ARHGAP42: variants seen among roughly 807,000 people sequenced by gnomAD.
ARHGAP42 encodes rho GTPase-activating protein 42.
A neutral mutation model predicts 125.0 loss-of-function variants in ARHGAP42; 63 were observed. The ratio of observed to expected loss-of-function variants is 0.50; its 90% CI spans 0.41 to 0.62. The LOEUF (loss-of-function observed/expected upper bound fraction) is 0.62, where lower values mean the gene tolerates loss of function less well. ARHGAP42 is among the 20% of genes least tolerant of loss of function. ARHGAP42 has a pLI of 0.00. For missense variants in ARHGAP42, 766 were observed against 1,024.2 expected, an observed-to-expected ratio of 0.75 and a Z score of 3.44; for synonymous variants, 339 against 351.0, an observed-to-expected ratio of 0.97 and a Z score of 0.38.
intron 6 of ARHGAP42, among the ~76,000 whole-genome samples, chr11:100,925,495 T>C (rs1287057488): frequency 6.6e-6 from 1 of 152,046 alleles, no homozygotes; most frequent in Non-Finnish European, 1.5e-5. Context: ...CCCAGCACTT[T>C]GGGAGGCTGA....
At chr11:100,894,810 A>G (rs1207778179) in intron 4 of ARHGAP42, among the ~76,000 whole-genome samples, 1 of 152,168 alleles carries the variant, frequency 6.6e-6, no homozygotes, top group Non-Finnish European at 1.5e-5. Flanking sequence ...CAGTGCTAAG[A>G]TAGCTGTTGA....
At chr11:100,900,614 T>C (rs75592618) in intron 4 of ARHGAP42, among the ~76,000 whole-genome samples, 12,446 of 152,242 alleles carry the variant, frequency 0.082, 723 homozygotes, top group East Asian at 0.29. Context: ...TTTCTTTTCA[T>C]TCTTTTTTCC....
At position 100,804,846 on chromosome 11, in the gene ARHGAP42, C is replaced by T. The variant is rs1190332187; in HGVS notation, c.312+9680C>T. Among the ~76,000 whole-genome samples, 9 of 152,218 alleles carry T rather than the reference C, an allele frequency of 5.9e-5. No individual in the cohort carries two copies. The South Asian group carries it at 1.5e-3, about 25-fold the overall frequency. ...AAGAAAGAAAAAAGTGTGTCGGTAA[C>T]GTCATTTGATTTTGAGCTTTCGTGT... On this transcript the variant is annotated intron_variant, in intron 3 of 23. Transcript: ENST00000298815.
At chr11:100,778,921 C>A (rs1863199265) in intron 2 of ARHGAP42, among the ~76,000 whole-genome samples, 1 of 151,950 alleles carries the variant, frequency 6.6e-6, no homozygotes, top group Non-Finnish European at 1.5e-5. Flanking sequence ...AAAAAATAGC[C>A]CAGTCTTTTG....
chr11:100,892,980 C>G (rs958340680), intron 4 of ARHGAP42, among the ~76,000 whole-genome samples: 1 of 152,148 alleles, frequency 6.6e-6, no homozygotes, highest in South Asian at 2.1e-4. Context: ...TGACACACTT[C>G]GATTTTATAA....
chr11:100,939,594 G>T (rs1867823092), intron 8 of ARHGAP42, among the ~76,000 whole-genome samples: 1 of 152,082 alleles, frequency 6.6e-6, no homozygotes, highest in Non-Finnish European at 1.5e-5. Flanking sequence ...GGTATTCGAT[G>T]AATGTTAATT....
intron 7 of ARHGAP42, among the ~76,000 whole-genome samples, chr11:100,935,574 T>C (rs1867713167): frequency 6.6e-6 from 1 of 152,132 alleles, no homozygotes; most frequent in Admixed American, 6.6e-5. Flanking sequence ...ATTCAAATTT[T>C]ATGTAGTGCA....
intron 1 of ARHGAP42, among the ~76,000 whole-genome samples, chr11:100,689,468 G>T (rs1186163268): frequency 6.6e-6 from 1 of 152,132 alleles, no homozygotes; most frequent in African/African-American, 2.4e-5. Context: ...GTTTCAGAAG[G>T]TCAAAATACT....
intron 6 of ARHGAP42, among the ~76,000 whole-genome samples, chr11:100,923,781 C>T (rs1426432979): frequency 2.0e-5 from 3 of 152,080 alleles, no homozygotes; most frequent in South Asian, 2.1e-4. Context: ...AATATTTTCC[C>T]AGCTGCTGTG....
intron 16 of ARHGAP42, among the ~76,000 whole-genome samples, chr11:100,964,714 G>C (rs929722068): frequency 6.6e-6 from 1 of 152,168 alleles, no homozygotes; most frequent in East Asian, 1.9e-4. Context: ...CTTGGCAGAC[G>C]ACACTTGCCA....
intron 12 of ARHGAP42, among the ~76,000 whole-genome samples, chr11:100,959,510 G>A (rs1193401658): frequency 2.0e-5 from 3 of 152,046 alleles, no homozygotes; most frequent in South Asian, 2.1e-4. Flanking sequence ...AGAATCGCGG[G>A]AAAGGATATG....
Position 100,766,973 on chromosome 11 carries a change from T to G in ARHGAP42, c.155-3370T>G, listed in dbSNP as rs574330352. Among the ~76,000 whole-genome samples the G allele has an allele frequency of 2.6e-5, 4 of 152,262 alleles. No homozygotes were observed. The East Asian group carries it at 7.7e-4, about 29-fold the overall frequency. ...ATGCATTCTTAATTCCATCAAGAGT[T>G]GAAATAGACACCCATCTCTTACCCA... On this transcript the variant is annotated intron_variant, in intron 1 of 23. Transcript: ENST00000298815.
At chr11:100,726,979 G>A (rs1861872803) in intron 1 of ARHGAP42, among the ~76,000 whole-genome samples, 1 of 152,144 alleles carries the variant, frequency 6.6e-6, no homozygotes, top group South Asian at 2.1e-4. Flanking sequence ...CTGCAGAATT[G>A]TTTTTTAGAT....
At chr11:100,929,289 G>A (rs1241748584) in intron 6 of ARHGAP42, among the ~76,000 whole-genome samples, 1 of 152,168 alleles carries the variant, frequency 6.6e-6, no homozygotes, top group African/African-American at 2.4e-5. Flanking sequence ...TCTGATAGGA[G>A]GCAGAGCTCA....
At chr11:100,794,075 C>CAAAAAAAAAAAAAAAAAAAAAA (rs869272420) in intron 2 of ARHGAP42, among the ~76,000 whole-genome samples, 1 of 44,864 alleles carries the variant, frequency 2.2e-5, no homozygotes, top group African/African-American at 7.0e-5. Flanking sequence ...GACCCTGTCT[C>CAAAAAAAAAAAAAAAAAAAAAA]AAAAAAAAAA....
chr11:100,894,634 T>A (rs933911127), intron 4 of ARHGAP42, among the ~76,000 whole-genome samples: 2 of 152,228 alleles, frequency 1.3e-5, no homozygotes, highest in South Asian at 4.1e-4. Context: ...ATTTCCATAA[T>A]GCTGGTTATC....
chr11:100,972,724 C>T (rs77804472), intron 17 of ARHGAP42, among the ~76,000 whole-genome samples: 14,067 of 152,062 alleles, frequency 0.093, 939 homozygotes, highest in Non-Finnish European at 0.13. Context: ...AAAATTTGTA[C>T]GATAGGAATA....
At chr11:100,986,625 A>C (rs902401629) in intron 22 of ARHGAP42, among the ~76,000 whole-genome samples, 4 of 152,174 alleles carry the variant, frequency 2.6e-5, no homozygotes, top group African/African-American at 9.6e-5. Context: ...CATTTAGCCA[A>C]CCAGGTTGGA....
At chr11:100,821,048 C>A (rs1041550668) in intron 3 of ARHGAP42, among the ~76,000 whole-genome samples, 5 of 151,696 alleles carry the variant, frequency 3.3e-5, no homozygotes, top group East Asian at 1.9e-4. Context: ...TCTGACTTAG[C>A]CTTGGAGGAA....
Sources: allele counts gnomAD v4.1 joint callset (sites outside exome capture counted in the v4.1 genomes callset), GRCh38; gene constraint gnomAD v4.1.1; transcripts MANE v1.5; gene names NCBI Gene and HGNC (gene_info 2026-07-23, HGNC 2026-07-21).